The following FOXP1 variants were observed in gnomAD, a reference collection of about 807,000 sequenced individuals.
The protein encoded by FOXP1 is forkhead box P1, also known as forkhead box protein P1.
In FOXP1, 15 loss-of-function variants were observed where a neutral mutation model predicts 98.2. The ratio of observed to expected loss-of-function variants is 0.15; its 90% confidence interval spans 0.10 to 0.24. The LOEUF (loss-of-function observed/expected upper bound fraction) is 0.24. Ranked by LOEUF, FOXP1 falls within the 10% of genes least tolerant of loss-of-function variation. The pLI, the probability that FOXP1 is intolerant of heterozygous loss-of-function variation, is 1.00. For synonymous variants in FOXP1, 371 were observed against 314.5 expected, an observed-to-expected ratio of 1.18 and a Z score of -1.90; for missense variants, 633 against 848.5, an observed-to-expected ratio of 0.75 and a Z score of 3.15.
chr3:71,111,718 A>G (rs1454492739), intron 7 of FOXP1, among the ~76,000 whole-genome samples: 2 of 152,104 alleles, frequency 1.3e-5, no homozygotes, highest in African/African-American at 2.4e-5. Context: ...ATTTTTATAA[A>G]CTTACTCATT....
chr3:71,142,743 T>C (rs1182815880), intron 6 of FOXP1, among the ~76,000 whole-genome samples: 1 of 152,158 alleles, frequency 6.6e-6, no homozygotes, highest in South Asian at 2.1e-4. Flanking sequence ...CTCCCTATTC[T>C]CTGAGGAGAG....
intron 6 of FOXP1, among the ~76,000 whole-genome samples, chr3:71,189,814 A>G (rs2062857650): frequency 6.6e-6 from 1 of 152,318 alleles, no homozygotes; most frequent in East Asian, 1.9e-4. Context: ...TACATCAGGT[A>G]CTGTGCTGTG....
chr3:71,359,850 T>G (rs1031533855), intron 3 of FOXP1, among the ~76,000 whole-genome samples: 1 of 152,102 alleles, frequency 6.6e-6, no homozygotes, highest in Non-Finnish European at 1.5e-5. Flanking sequence ...AGGAGTGCAG[T>G]GGCATGATCT....
intron 7 of FOXP1, among the ~76,000 whole-genome samples, chr3:71,078,513 C>A (rs1010092118): frequency 1.3e-5 from 2 of 152,080 alleles, no homozygotes; most frequent in Admixed American, 6.6e-5. Context: ...GAATGACTTA[C>A]CCTAATAAAA....
intron 6 of FOXP1, among the ~76,000 whole-genome samples, chr3:71,118,150 C>T (rs1253862036): frequency 2.6e-5 from 4 of 152,188 alleles, no homozygotes; most frequent in Non-Finnish European, 5.9e-5. Flanking sequence ...AGTGAGATGG[C>T]CCTCTCGCTG....
chr3:71,017,132 A>G (rs72961982), intron 11 of FOXP1, among the ~76,000 whole-genome samples: 1,668 of 152,284 alleles, frequency 0.011, 39 homozygotes, highest in African/African-American at 0.039. Context: ...AGATTTATGA[A>G]GCCAAACAAT....
At chr3:71,457,291 T>C (rs1440866655) in intron 3 of FOXP1, among the ~76,000 whole-genome samples, 3 of 152,142 alleles carry the variant, frequency 2.0e-5, no homozygotes, top group African/African-American at 4.8e-5. Flanking sequence ...TTTAAGAAAA[T>C]ATGCAGTAGT....
chr3:71,162,005 T>C (rs999459012), intron 6 of FOXP1, among the ~76,000 whole-genome samples: 5 of 152,150 alleles, frequency 3.3e-5, no homozygotes, highest in Admixed American at 1.3e-4. Context: ...TTAGTATAGA[T>C]AAGTTTCAGT....
At chr3:71,157,854 A>C (rs1372169261) in intron 6 of FOXP1, among the ~76,000 whole-genome samples, 2 of 151,974 alleles carry the variant, frequency 1.3e-5, no homozygotes, top group African/African-American at 2.4e-5. Flanking sequence ...TGGGAGGCTG[A>C]GGCAAGCAGG....
intron 3 of FOXP1, among the ~76,000 whole-genome samples, chr3:71,359,681 G>A (rs576068171): frequency 2.4e-4 from 36 of 152,262 alleles, no homozygotes; most frequent in East Asian, 3.9e-4. Context: ...ATAGGTGTGC[G>A]CCACCATGCC....
intron 4 of FOXP1, among the ~76,000 whole-genome samples, chr3:71,358,125 C>T (rs2078292541): frequency 1.3e-5 from 2 of 152,172 alleles, no homozygotes; most frequent in African/African-American, 2.4e-5. Context: ...TTTAAACATA[C>T]TTGTAGGCAT....
rs1188473583 is a variant in FOXP1, at chr3:71,368,128, A to C, written c.-167-8884T>G. On this transcript the variant is annotated intron_variant, in intron 3 of 20. Transcript: ENST00000649528. ...TATTTATTTAATTTTTATTTTATTT[A>C]TTTATTTATTTTTTTAGATGGAGTT... 3.3e-5 allele frequency among the ~76,000 whole-genome samples: 5 copies of C among 151,970 alleles called. No individual in the cohort carries two copies. In the East Asian group the frequency reaches 9.7e-4, roughly 29 times the overall value.
chr3:71,294,246 G>A (rs960972572), intron 5 of FOXP1, among the ~76,000 whole-genome samples: 2 of 152,034 alleles, frequency 1.3e-5, no homozygotes, highest in African/African-American at 4.8e-5. Flanking sequence ...ACCTTAAATG[G>A]GTGAATTGTA....
chr3:71,183,729 T>C, intron 6 of FOXP1, among the ~76,000 whole-genome samples: 1 of 152,198 alleles, frequency 6.6e-6, no homozygotes, highest in Admixed American at 6.5e-5. Flanking sequence ...GTCTATGCTG[T>C]TAAACTCTGC....
At chr3:71,568,052 G>A (rs2047044791) in intron 2 of FOXP1, 1 of 117,478 alleles carries the variant, frequency 8.5e-6, no homozygotes, top group Non-Finnish European at 1.8e-5. Flanking sequence ...GGGAGGGGAG[G>A]GGAGGGGAAG....
chr3:71,295,467 A>G (rs1470954946), intron 5 of FOXP1, among the ~76,000 whole-genome samples: 5 of 152,214 alleles, frequency 3.3e-5, no homozygotes, highest in East Asian at 1.9e-4. Context: ...TTCATCTAAC[A>G]TAAAACACCT....
At chr3:71,314,630 G>A (rs549035626) in intron 4 of FOXP1, among the ~76,000 whole-genome samples, 98 of 151,792 alleles carry the variant, frequency 6.5e-4, no homozygotes, top group Non-Finnish European at 1.2e-3. Flanking sequence ...AGAACATAGT[G>A]CTAAAATAAA....
intron 6 of FOXP1, among the ~76,000 whole-genome samples, chr3:71,153,030 G>A (rs1048379617): frequency 6.6e-6 from 1 of 152,188 alleles, no homozygotes; most frequent in Non-Finnish European, 1.5e-5. Flanking sequence ...GCCCCACGCT[G>A]GTCCATCTAA....
At chr3:71,047,329 C>G (rs529473656) in intron 9 of FOXP1, among the ~76,000 whole-genome samples, 1 of 152,274 alleles carries the variant, frequency 6.6e-6, no homozygotes, top group African/African-American at 2.4e-5. Flanking sequence ...ATTCGTCCAT[C>G]AAGCCAGCTT....
Sources: allele counts gnomAD v4.1 joint callset (sites outside exome capture counted in the v4.1 genomes callset), GRCh38; gene constraint gnomAD v4.1.1; transcripts MANE v1.5; gene names NCBI Gene and HGNC (gene_info 2026-07-23, HGNC 2026-07-21).